UBE2G1: variants seen among roughly 807,000 people sequenced by gnomAD.
UBE2G1 encodes the protein ubiquitin conjugating enzyme E2 G1.
In UBE2G1, 5 loss-of-function variants were observed where a neutral mutation model predicts 22.7. That is an observed-to-expected ratio of 0.22 (90% CI 0.12 to 0.46). The LOEUF is 0.46. Among genes scored for constraint, UBE2G1 ranks in the 20% least tolerant of loss-of-function variants. The pLI is 0.99. For synonymous variants in UBE2G1, 74 were observed against 67.5 expected, an observed-to-expected ratio of 1.10 and a Z score of -0.47; for missense variants, 88 against 203.9, an observed-to-expected ratio of 0.43 and a Z score of 3.46.
In UBE2G1 at chr17:4,279,784, G is replaced by GTT. The variant is rs1240824389; in HGVS notation, c.*37+3012_*37+3013dup. ...AGCGAAACTCTGCCCCCAAAAAAAA[G>GTT]TTATATATATATATATATATATATA... On this transcript the variant is annotated intron_variant, in intron 5 of 5. Transcript: ENST00000396981. 1.2e-3 allele frequency among the ~76,000 whole-genome samples: 82 copies of GTT among 66,486 alleles called. 2 individuals carry two copies. Among genetic ancestry groups the GTT allele is most frequent in the African/African-American group, 6.4e-3 (80 of 12,412 alleles). The allele number at this position is 66,486 out of a possible 152,430, so 43.6% of individuals were successfully genotyped here.
rs369732401 is a variant in UBE2G1, at chr17:4,289,457, T to C, written c.248-49A>G. The C allele has an allele frequency of 4.1e-6, 6 of 1,457,338 alleles. No homozygotes were observed. The African/African-American group carries it at 5.7e-5, about 14-fold the overall frequency. 90.3% of individuals were successfully genotyped at this position (1,457,338 alleles called of 1,614,324 possible). ...GTTTCATATATTACTAATTTGGTTATACATGAAATATCAATTACAAATGTG... is the reference window on the plus strand; with the variant it reads ...GTTTCATATATTACTAATTTGGTTACACATGAAATATCAATTACAAATGTG... On this transcript the variant is annotated intron_variant, in intron 3 of 5. Transcript: ENST00000396981.
At chr17:4,315,882 C>T (rs1481351120) in intron 1 of UBE2G1, among the ~76,000 whole-genome samples, 1 of 142,926 alleles carries the variant, frequency 7.0e-6, no homozygotes, top group Non-Finnish European at 1.5e-5. Context: ...TCTCAGCTCA[C>T]TACAAGCTCC....
chr17:4,365,769 G>A (rs749778844), intron 1 of UBE2G1, among the ~76,000 whole-genome samples: 17 of 152,186 alleles, frequency 1.1e-4, no homozygotes, highest in South Asian at 2.1e-4. Context: ...CGGACCCAGC[G>A]CCGCCCGGGG....
At chr17:4,312,533 A>G (rs1434798969) in intron 1 of UBE2G1, among the ~76,000 whole-genome samples, 4 of 151,852 alleles carry the variant, frequency 2.6e-5, no homozygotes, top group Non-Finnish European at 4.4e-5. Context: ...CGTCTCTACT[A>G]AAAATGCAAA....
intron 1 of UBE2G1, among the ~76,000 whole-genome samples, chr17:4,327,152 A>G (rs913770002): frequency 6.6e-6 from 1 of 151,700 alleles, no homozygotes; most frequent in African/African-American, 2.4e-5. Flanking sequence ...AAAATTAGCC[A>G]GGCATGGTGG....
chr17:4,298,563 A>T (rs1320545845), intron 2 of UBE2G1, among the ~76,000 whole-genome samples: 1 of 152,240 alleles, frequency 6.6e-6, no homozygotes, highest in East Asian at 1.9e-4. Flanking sequence ...AAAGAGACAG[A>T]TCATTAACAC....
intron 1 of UBE2G1, among the ~76,000 whole-genome samples, chr17:4,308,143 C>T (rs1023980437): frequency 7.9e-5 from 12 of 152,050 alleles, no homozygotes; most frequent in African/African-American, 2.9e-4. Context: ...CACCTGAGGT[C>T]GAGAGTTTGA....
chr17:4,290,861 C>T (rs188575143), intron 3 of UBE2G1, among the ~76,000 whole-genome samples: 3 of 151,458 alleles, frequency 2.0e-5, no homozygotes, highest in Non-Finnish European at 2.9e-5. Flanking sequence ...CAGGAAACAG[C>T]CCCTGCGCTG....
At chr17:4,304,947 T>C (rs1380093265) in intron 2 of UBE2G1, among the ~76,000 whole-genome samples, 3 of 151,412 alleles carry the variant, frequency 2.0e-5, no homozygotes, top group Non-Finnish European at 4.4e-5. Flanking sequence ...AGAAGTTTTT[T>C]AAGAACTTTT....
intron 1 of UBE2G1, among the ~76,000 whole-genome samples, chr17:4,315,771 C>T (rs1407336485): frequency 7.3e-6 from 1 of 137,836 alleles, no homozygotes; most frequent in Non-Finnish European, 1.5e-5. Flanking sequence ...CAAAAACAAA[C>T]AAACAAAAAA....
intron 5 of UBE2G1, among the ~76,000 whole-genome samples, chr17:4,275,736 T>G (rs1362014530): frequency 3.9e-5 from 6 of 152,184 alleles, no homozygotes; most frequent in Non-Finnish European, 7.4e-5. Context: ...AATGATCTTG[T>G]AAGTGAAAAC....
chr17:4,365,168 A>G (rs569433263), intron 1 of UBE2G1, among the ~76,000 whole-genome samples: 18 of 152,336 alleles, frequency 1.2e-4, no homozygotes, highest in Admixed American at 3.3e-4. Context: ...TGAGGGCTAG[A>G]GGCTACTGGT....
At position 4,336,235 on chromosome 17, in the gene UBE2G1, A is replaced by G. The variant is rs912740883; in HGVS notation, c.47-29112T>C. ...ATATTATATAAGCAAAGCAAAATAT[A>G]TAACATTAATGTAAATGATTAAAAG... is the stretch of plus-strand genomic sequence containing the variant. On this transcript the variant is annotated intron_variant, in intron 1 of 5. Transcript: ENST00000396981. 5.3e-5 allele frequency among the ~76,000 whole-genome samples: 8 copies of G among 152,350 alleles called. No individual in the cohort carries two copies. The South Asian group carries it at 1.0e-3, about 20-fold the overall frequency.
Position 4,311,650 on chromosome 17 carries a change from A to C in UBE2G1, c.47-4527T>G, listed in dbSNP as rs146958058. ...GGGAGAAAGGGGGCGTAATTACTTA[A>C]GGGGTATAGGGATGGCGATTTAATG... On this transcript the variant is annotated intron_variant, in intron 1 of 5. Transcript: ENST00000396981. 2.4e-3 allele frequency among the ~76,000 whole-genome samples: 358 copies of C among 152,306 alleles called. 1 individual carries two copies. The highest frequency in any genetic ancestry group is 8.2e-3 in the African/African-American group (342 of 41,564).
chr17:4,351,030 C>CAA (rs796508050), intron 1 of UBE2G1, among the ~76,000 whole-genome samples: 22 of 109,928 alleles, frequency 2.0e-4, no homozygotes, highest in African/African-American at 6.7e-4. Context: ...AAGACTTCGT[C>CAA]AAAAAAAAAA....
intron 1 of UBE2G1, among the ~76,000 whole-genome samples, chr17:4,312,453 T>C (rs12950048): frequency 0.34 from 51,182 of 151,414 alleles, 8,778 homozygotes; most frequent in Middle Eastern, 0.4. Context: ...GCCAGTGAAA[T>C]AGGGAGGCCG....
chr17:4,354,002 TC>T (rs1001148017), intron 1 of UBE2G1, among the ~76,000 whole-genome samples: 1 of 151,932 alleles, frequency 6.6e-6, no homozygotes, highest in African/African-American at 2.4e-5. Flanking sequence ...ATTTTTAAGG[TC>T]TTCCACAAAC....
chr17:4,317,456 G>A (rs1332232941), intron 1 of UBE2G1, among the ~76,000 whole-genome samples: 1 of 152,100 alleles, frequency 6.6e-6, no homozygotes, highest in African/African-American at 2.4e-5. Context: ...GAAGTAGAAA[G>A]TGCAGTGAGC....
chr17:4,288,382 A>T (rs1366295401), intron 4 of UBE2G1, among the ~76,000 whole-genome samples: 4 of 151,998 alleles, frequency 2.6e-5, no homozygotes, highest in Non-Finnish European at 5.9e-5. Context: ...GCCCGCCACC[A>T]CGCCCGGCTA....
Sources: allele counts gnomAD v4.1 joint callset (sites outside exome capture counted in the v4.1 genomes callset), GRCh38; gene constraint gnomAD v4.1.1; transcripts MANE v1.5; gene names NCBI Gene and HGNC (gene_info 2026-07-23, HGNC 2026-07-21).